Variants in FGFR3 observed in about 807,000 individuals in gnomAD.
FGFR3 encodes FGFR-3.
A neutral mutation model predicts 82.9 loss-of-function variants in FGFR3; 25 were observed. That is an observed-to-expected ratio of 0.30 (90% CI 0.22 to 0.42). The LOEUF (loss-of-function observed/expected upper bound fraction) is 0.42. FGFR3 is among the 10% of genes least tolerant of loss of function. The pLI is 1.00. For synonymous variants in FGFR3, 620 were observed against 516.0 expected, an observed-to-expected ratio of 1.20 and a Z score of -2.73; for missense variants, 1,026 against 1,161.0, an observed-to-expected ratio of 0.88 and a Z score of 1.69.
At chr4:1,802,675 G>C (rs1478610388) in intron 7 of FGFR3, among the ~76,000 whole-genome samples, 2 of 152,148 alleles carry the variant, frequency 1.3e-5, no homozygotes, top group African/African-American at 2.4e-5. Flanking sequence ...GCCCGGGGGA[G>C]GGCAGGCCAG....
chr4:1,799,560 C>T (rs931725477), intron 3 of FGFR3, 37 bp downstream of exon 3: 12 of 1,549,594 alleles, frequency 7.7e-6, no homozygotes, highest in African/African-American at 2.7e-5. Context: ...AGAAAGGAGC[C>T]GAGTGCCGGG....
At chr4:1,801,314 G>A in intron 4 of FGFR3, 53 bp from the exon 5 acceptor site, 1 of 1,531,554 alleles carries the variant, frequency 6.5e-7, no homozygotes, top group Non-Finnish European at 8.8e-7. Context: ...GTTGTTCAGA[G>A]GGGCCTCTGC....
chr4:1,805,229 G>C, intron 10 of FGFR3, 126 bp from the exon 11 acceptor site: 2 of 1,526,776 alleles, frequency 1.3e-6, no homozygotes, highest in Middle Eastern at 2.4e-4. Flanking sequence ...TGTAGGGGGA[G>C]CATGGAGGGC....
rs1560424390 is a variant in FGFR3 at position 1,803,124 on chromosome 4, GCGCCCTGCA to G, written c.931-562_931-554del. 3.4e-6 allele frequency: 5 copies of G among 1,461,922 alleles called. No homozygotes were observed. The South Asian group carries it at 4.2e-5, about 12-fold the overall frequency. 90.6% of individuals were successfully genotyped at this position (1,461,922 alleles called of 1,614,324 possible). A position where few individuals can be genotyped will look rare whatever the true frequency, so the allele number is the denominator to read the frequency against. On this transcript the variant is annotated intron_variant, in intron 7 of 17. Transcript: ENST00000440486. ...GCTCCAGCTCCAAGGCCCTGGCCGC[GCGCCCTGCA>G]CGCCCCGCACGCCCAGCCCTGCTCG...
At chr4:1,795,736 C>A (rs992939844) in intron 2 of FGFR3, among the ~76,000 whole-genome samples, 1 of 152,164 alleles carries the variant, frequency 6.6e-6, no homozygotes, top group African/African-American at 2.4e-5. Flanking sequence ...CTGGAGTGAC[C>A]CCCCAGGGTG....
At chr4:1,803,609 G>T in intron 7 of FGFR3, 83 bp from the exon 8 acceptor site, 2 of 1,556,962 alleles carry the variant, frequency 1.3e-6, no homozygotes, top group East Asian at 2.4e-5. Context: ...TCCTTGCAGC[G>T]GCTGGATCCT....
chr4:1,803,289 G>A, intron 7 of FGFR3: 1 of 558,866 alleles, frequency 1.8e-6, no homozygotes, highest in South Asian at 2.6e-5. Context: ...ACCCCCACAG[G>A]AGGTGCCCGG....
Position 1,804,287 on chromosome 4 carries a change from G to T in FGFR3, c.1076-43G>T, listed in dbSNP as rs547904954. On this transcript the variant is annotated intron_variant, in intron 8 of 17. Coordinates refer to ENST00000440486, the MANE Select transcript of FGFR3 (RefSeq NM_000142.5). ...CAGGGGCATCCATGGGAGCCCCGTG[G>T]GGGGGGGGGCCAGGCCAGGCCTCAA... 541 of 1,430,728 alleles carry T rather than the reference G, an allele frequency of 3.8e-4. 1 individual carries two copies. In the African/African-American group the frequency reaches 5.4e-3, roughly 14 times the overall value. 88.6% of individuals were successfully genotyped at this position (1,430,728 alleles called of 1,614,324 possible). A position where few individuals can be genotyped will look rare whatever the true frequency, so the allele number is the denominator to read the frequency against.
rs771059356 is a variant in FGFR3, at chr4:1,806,138, G to C, written c.1924G>C (p.Val642Leu). The change falls in exon 14 of 18, where the codon GTG (valine) becomes CTG (leucine). Residue 642 changes from valine to leucine, a missense_variant. Val to Leu is a conservative substitution (Grantham distance 32). This residue lies in a region of FGFR3 where 45 missense variants were observed against 80.8 expected (regional missense o/e 0.56). Transcript: ENST00000440486. ...KIADFGLARD[V>L]HNLDYYKKTT... ...CGCAGACTTCGGGCTGGCCCGGGAC[G>C]TGCACAACCTCGACTACTACAAGAA... The C allele has an allele frequency of 1.2e-6, 2 of 1,613,134 alleles. No homozygotes were observed. The highest frequency in any genetic ancestry group is 1.7e-6 in the Non-Finnish European group (2 of 1,179,754).
chr4:1,793,972 C>G lies in FGFR3; in HGVS notation c.38C>G (p.Ala13Gly). 7.2e-7 allele frequency: 1 copy of G among 1,380,468 alleles called. No homozygotes were observed. The highest frequency in any genetic ancestry group is 9.5e-7 in the Non-Finnish European group (1 of 1,054,094). 85.5% of individuals were successfully genotyped at this position (1,380,468 alleles called of 1,614,324 possible). The stretch of plus-strand genomic sequence containing the variant: ...GCCTGCGCCCTCGCGCTCTGCGTGG[C>G]CGTGGCCATCGTGGCCGGCGCCTCC... The part of the protein sequence containing the change: ...APACALALCV[A>G]VAIVAGASSE... The change falls in exon 2 of 18, where the codon GCC (alanine) becomes GGC (glycine). Residue 13 changes from alanine to glycine, a missense_variant. This residue lies in a region of FGFR3 where 226 missense variants were observed against 222.0 expected (regional missense o/e 1.02). Coordinates refer to ENST00000440486, the MANE Select transcript of FGFR3 (RefSeq NM_000142.5).
Position 1,799,480 on chromosome 4 carries a change from G to A in FGFR3, c.336G>A (p.Arg112=), listed in dbSNP as rs1720932780. 6.3e-7 allele frequency: 1 copy of A among 1,581,016 alleles called. No homozygotes were observed. The highest frequency in any genetic ancestry group is 8.6e-7 in the Non-Finnish European group (1 of 1,164,354). Residue 112 remains arginine, a synonymous_variant, in exon 3 of 18, where the codon CGG becomes CGA. Coordinates refer to ENST00000440486, the MANE Select transcript of FGFR3 (RefSeq NM_000142.5). ...EDSGAYSCRQ[R]LTQRVLCHFS... is the part of the protein sequence containing the mutation. ...CCGGGGCCTACAGCTGCCGGCAGCG[G>A]CTCACGCAGCGCGTACTGTGCCACT...
Position 1,799,803 on chromosome 4 carries a change from G to A in FGFR3, c.436G>A (p.Val146Met), listed in dbSNP as rs770008395. The change falls in exon 4 of 18, where the codon GTG becomes ATG. Residue 146 changes from valine to methionine, a missense_variant. Val to Met is a conservative substitution (Grantham distance 21). Coordinates refer to ENST00000440486, the MANE Select transcript of FGFR3 (RefSeq NM_000142.5). ...DGEDEAEDTG[V>M]DTGAPYWTRP... is the part of the protein sequence containing the mutation. ...GGAGGACGAGGCTGAGGACACAGGT[G>A]TGGACACAGGTAGGAGCAGGGTCCA... The A allele has an allele frequency of 1.9e-6, 3 of 1,612,874 alleles. No homozygotes were observed. Among genetic ancestry groups the A allele is most frequent in the Non-Finnish European group, 2.5e-6 (3 of 1,179,880 alleles).
rs752285657 is a variant in FGFR3 at position 1,806,511 on chromosome 4, G to A, written c.2031-35G>A. The stretch of plus-strand genomic sequence containing the variant: ...GCCCGCCCAGGTGTCTGTCCTGGGA[G>A]TCTCAGGACAGCCTGACCTCACCTT... On this transcript the variant is annotated intron_variant, in intron 15 of 17. Transcript: ENST00000440486. The A allele has an allele frequency of 3.1e-6, 5 of 1,612,720 alleles. No individual in the cohort carries two copies. The South Asian group carries it at 3.3e-5, about 11-fold the overall frequency.
chr4:1,806,215 T>A (rs1178687971), intron 14 of FGFR3, 42 bp downstream of exon 14: 4 of 1,612,684 alleles, frequency 2.5e-6, no homozygotes, highest in Non-Finnish European at 2.5e-6. Context: ...GTCATGCCAG[T>A]AGGACGCCTG....
At chr4:1,802,360 C>T (rs1352849121) in intron 7 of FGFR3, among the ~76,000 whole-genome samples, 5 of 152,162 alleles carry the variant, frequency 3.3e-5, no homozygotes, top group Non-Finnish European at 7.4e-5. Context: ...CCCTCCAGGC[C>T]CCCTCTGGGC....
In FGFR3 at chr4:1,806,946, C is replaced by T. The variant is rs1356276322; in HGVS notation, c.2274+12C>T. The T allele has an allele frequency of 6.3e-7, 1 of 1,587,590 alleles. No homozygotes were observed. On this transcript the variant is annotated intron_variant, in intron 17 of 17. Transcript: ENST00000440486. Reference sequence around the variant, plus strand: ...TGACGTCCACCGACGTGAGTGCTGGCTCTGGCCTGGTGCCACCCGCCTATG... The same window carrying T: ...TGACGTCCACCGACGTGAGTGCTGGTTCTGGCCTGGTGCCACCCGCCTATG...
rs1318145260 is a variant in FGFR3 at position 1,801,761 on chromosome 4, G to A, written c.739+18G>A. On this transcript the variant is annotated intron_variant, in intron 6 of 17. Transcript: ENST00000440486. ...CGTGCTGGGTGAGGGCCCTGGGGCG[G>A]CGCGGGGGTGGGGGCGGCAGTGGCG... is the stretch of plus-strand genomic sequence containing the variant. The A allele has an allele frequency of 3.1e-6, 5 of 1,592,762 alleles. No homozygotes were observed. The highest frequency in any genetic ancestry group is 4.3e-6 in the Non-Finnish European group (5 of 1,171,610).
chr4:1,794,726 A>T (rs1720265816), intron 2 of FGFR3, among the ~76,000 whole-genome samples: 1 of 151,952 alleles, frequency 6.6e-6, no homozygotes, highest in Non-Finnish European at 1.5e-5. Flanking sequence ...GGGGAGGGGA[A>T]GGGGCGCCCG....
intron 2 of FGFR3, among the ~76,000 whole-genome samples, chr4:1,794,874 G>T (rs926489922): frequency 3.3e-5 from 5 of 151,318 alleles, no homozygotes; most frequent in African/African-American, 7.3e-5. Context: ...GCGGAGGGAG[G>T]CCTTGGCCCG....
Sources: gnomAD v4.1 joint callset for allele counts (sites outside exome capture counted in the v4.1 genomes callset) on GRCh38, gnomAD v4.1.1 for gene constraint, gnomAD v4.1.1 regional missense constraint, MANE v1.5 for transcripts, NCBI Gene and HGNC (gene_info 2026-07-23, HGNC 2026-07-21) for gene names.